The following NEO1 variants were observed in gnomAD, a reference collection of about 807,000 sequenced individuals.
NEO1 encodes the protein neogenin 1.
Under a neutral mutation model 159.7 loss-of-function variants are expected in NEO1, and 63 were observed. The observed-to-expected ratio is 0.39, with a 90% CI of 0.32 to 0.49. The LOEUF (loss-of-function observed/expected upper bound fraction) is 0.49, where lower values mean the gene tolerates loss of function less well. Ranked by LOEUF, NEO1 falls within the 20% of genes least tolerant of loss-of-function variation. The probability of loss-of-function intolerance (pLI) is 0.85; values close to 1 mark genes in which losing one functional copy is unlikely to be tolerated. For missense variants in NEO1, 1,615 were observed against 1,831.0 expected (o/e 0.88, Z 2.15); for synonymous variants, 633 against 662.0 (o/e 0.96, Z 0.67).
At chr15:73,120,200 T>G (rs1000491011) in intron 2 of NEO1, among the ~76,000 whole-genome samples, 1 of 151,930 alleles carries the variant, frequency 6.6e-6, no homozygotes, top group South Asian at 2.1e-4. Context: ...CATATTTTGG[T>G]TTTATTGATT....
intron 11 of NEO1, among the ~76,000 whole-genome samples, chr15:73,251,239 A>C (rs1048423699): frequency 2.0e-5 from 3 of 152,114 alleles, no homozygotes; most frequent in African/African-American, 7.2e-5. Context: ...GGCTTGGTGC[A>C]GTGGCTCATG....
chr15:73,251,580 A>G (rs962284471), intron 11 of NEO1, among the ~76,000 whole-genome samples: 1 of 151,966 alleles, frequency 6.6e-6, no homozygotes, highest in South Asian at 2.1e-4. Context: ...TACCTTAGCT[A>G]GTGAACTACA....
chr15:73,275,638 G>A (rs1596558334), intron 21 of NEO1, among the ~76,000 whole-genome samples: 1 of 152,226 alleles, frequency 6.6e-6, no homozygotes, highest in East Asian at 1.9e-4. Context: ...CTAGGTGACA[G>A]AGTGAGACCC....
chr15:73,221,538 C>T (rs2038263343), intron 7 of NEO1, among the ~76,000 whole-genome samples: 1 of 152,060 alleles, frequency 6.6e-6, no homozygotes, highest in Non-Finnish European at 1.5e-5. Context: ...AGAGGTGGAG[C>T]CTACAGAGGC....
chr15:73,128,850 A>T (rs1249846219), intron 4 of NEO1, among the ~76,000 whole-genome samples: 1 of 152,196 alleles, frequency 6.6e-6, no homozygotes, highest in Non-Finnish European at 1.5e-5. Context: ...TTATTCAAAG[A>T]TATCCTTGGG....
At chr15:73,256,993 G>C (rs2040385722) in intron 13 of NEO1, among the ~76,000 whole-genome samples, 1 of 151,600 alleles carries the variant, frequency 6.6e-6, no homozygotes, top group Non-Finnish European at 1.5e-5. Context: ...TTAGCCAGGT[G>C]TGGTGGTGCT....
intron 15 of NEO1, among the ~76,000 whole-genome samples, chr15:73,261,960 T>C (rs558614518): frequency 2.6e-5 from 4 of 152,150 alleles, no homozygotes; most frequent in Non-Finnish European, 5.9e-5. Flanking sequence ...AGTCCAGAAA[T>C]AGATCCATAT....
chr15:73,233,160 G>C (rs1044893210), intron 7 of NEO1, among the ~76,000 whole-genome samples: 5 of 152,142 alleles, frequency 3.3e-5, no homozygotes, highest in African/African-American at 1.2e-4. Flanking sequence ...AACATAAGTT[G>C]CTTTCTCTTA....
In NEO1 at chr15:73,097,765, C is replaced by T. The variant is rs1261523379; in HGVS notation, c.131-18775C>T. Among the ~76,000 whole-genome samples the T allele has an allele frequency of 2.2e-5, 3 of 138,410 alleles. No individual in the cohort carries two copies. In the East Asian group the frequency reaches 6.1e-4, roughly 28 times the overall value. 90.8% of individuals were successfully genotyped at this position (138,410 alleles called of 152,430 possible). On this transcript the variant is annotated intron_variant, in intron 1 of 28. Transcript: ENST00000261908. ...TTCATCTCATTTTCTAATCCCAGAC[C>T]TGGAACTAGCCTTTTTTTTTTTTTT... is the stretch of plus-strand genomic sequence containing the variant.
chr15:73,069,637 G>T (rs898774607), intron 1 of NEO1, among the ~76,000 whole-genome samples: 2 of 151,202 alleles, frequency 1.3e-5, no homozygotes, highest in African/African-American at 2.4e-5. Context: ...TCAATTAAGG[G>T]TTTATGGTTT....
At chr15:73,292,658 T>C (rs1011417343) in intron 25 of NEO1, among the ~76,000 whole-genome samples, 1 of 152,230 alleles carries the variant, frequency 6.6e-6, no homozygotes, top group African/African-American at 2.4e-5. Context: ...ATTGAATCCT[T>C]AGCCAGTGTG....
chr15:73,208,624 G>T (rs933723428), intron 7 of NEO1, among the ~76,000 whole-genome samples: 3 of 152,186 alleles, frequency 2.0e-5, no homozygotes, highest in African/African-American at 7.2e-5. Flanking sequence ...CACTTTGGGA[G>T]GCAGGGGCAC....
intron 1 of NEO1, among the ~76,000 whole-genome samples, chr15:73,084,849 CTACAGT>C (rs1214809561): frequency 1.3e-5 from 2 of 151,570 alleles, no homozygotes; most frequent in Non-Finnish European, 2.9e-5. Flanking sequence ...CCCAGGTCTT[CTACAGT>C]TTCTTCTTTA....
chr15:73,269,206 C>T (rs933730793), intron 16 of NEO1, among the ~76,000 whole-genome samples: 7 of 152,110 alleles, frequency 4.6e-5, no homozygotes, highest in East Asian at 1.9e-4. Flanking sequence ...GAGTGTTGGA[C>T]CCTTACATGA....
At chr15:73,073,889 C>T (rs1353817827) in intron 1 of NEO1, among the ~76,000 whole-genome samples, 1 of 152,158 alleles carries the variant, frequency 6.6e-6, no homozygotes. Flanking sequence ...TGCCAGGCCT[C>T]AGTGAGCCCA....
At chr15:73,282,387 A>C (rs2041761196) in intron 22 of NEO1, among the ~76,000 whole-genome samples, 1 of 152,252 alleles carries the variant, frequency 6.6e-6, no homozygotes, top group African/African-American at 2.4e-5. Context: ...GTAACCATTC[A>C]GTATTTGTCA....
At chr15:73,203,656 GTT>G in intron 7 of NEO1, among the ~76,000 whole-genome samples, 1 of 151,954 alleles carries the variant, frequency 6.6e-6, no homozygotes, top group East Asian at 1.9e-4. Context: ...GTTGCCCTCA[GTT>G]TTACAGTATA....
chr15:73,176,650 G>A (rs1034675987), intron 6 of NEO1, 93 bp downstream of exon 6: 1 of 877,108 alleles, frequency 1.1e-6, no homozygotes, highest in Non-Finnish European at 1.6e-6. Context: ...ATATATACTA[G>A]TTTGTGTACT....
intron 5 of NEO1, among the ~76,000 whole-genome samples, chr15:73,139,983 A>G (rs2032219332): frequency 6.6e-6 from 1 of 152,238 alleles, no homozygotes; most frequent in African/African-American, 2.4e-5. Context: ...GACAGAAACC[A>G]ATAGAAAATG....
Sources: allele counts gnomAD v4.1 joint callset (sites outside exome capture counted in the v4.1 genomes callset), GRCh38; gene constraint gnomAD v4.1.1; transcripts MANE v1.5; gene names NCBI Gene and HGNC (gene_info 2026-07-23, HGNC 2026-07-21).